ONECUT1: variants seen among roughly 807,000 people sequenced by gnomAD.
ONECUT1 encodes the protein one cut homeobox 1.
In ONECUT1, 12 loss-of-function variants were observed where a neutral mutation model predicts 25.6. The ratio of observed to expected loss-of-function variants is 0.47; its 90% CI spans 0.30 to 0.76. ONECUT1 has a LOEUF of 0.76. ONECUT1 is among the 30% of genes least tolerant of loss of function. ONECUT1 has a pLI of 0.07. For synonymous variants in ONECUT1, 285 were observed against 270.2 expected (o/e 1.05, Z -0.54); for missense variants, 620 against 651.2 (o/e 0.95, Z 0.52).
intron 1 of ONECUT1, among the ~76,000 whole-genome samples, chr15:52,770,783 C>T (rs1320267619): frequency 6.6e-6 from 1 of 152,056 alleles, no homozygotes; most frequent in Non-Finnish European, 1.5e-5. Flanking sequence ...TTGTAAAATA[C>T]ACAATAATTT....
intron 1 of ONECUT1, among the ~76,000 whole-genome samples, chr15:52,761,699 A>G (rs772378025): frequency 3.4e-4 from 52 of 152,306 alleles, no homozygotes; most frequent in Non-Finnish European, 5.6e-4. Flanking sequence ...CACTGTAATG[A>G]GGACCCAAAA....
chr15:52,783,153 A>G (rs2083851707), intron 1 of ONECUT1, among the ~76,000 whole-genome samples: 1 of 152,208 alleles, frequency 6.6e-6, no homozygotes. Flanking sequence ...GATTTTCCCC[A>G]GCGCGGATCA....
chr15:52,776,693 G>T (rs1473343367), intron 1 of ONECUT1, among the ~76,000 whole-genome samples: 1 of 152,162 alleles, frequency 6.6e-6, no homozygotes, highest in African/African-American at 2.4e-5. Flanking sequence ...CCAGATCAGA[G>T]ACTTTGTCGG....
intron 1 of ONECUT1, among the ~76,000 whole-genome samples, chr15:52,771,431 A>AAGC (rs1218141581): frequency 7.5e-6 from 1 of 133,240 alleles, no homozygotes; most frequent in Admixed American, 7.9e-5. Context: ...TTTGCATAAA[A>AAGC]AGCAAGTGTG....
chr15:52,767,675 C>T (rs2083742690), intron 1 of ONECUT1, among the ~76,000 whole-genome samples: 1 of 152,266 alleles, frequency 6.6e-6, no homozygotes, highest in East Asian at 1.9e-4. Context: ...CAATAGGTCT[C>T]TTTTCTGGAA....
At chr15:52,769,193 T>C (rs779624904) in intron 1 of ONECUT1, among the ~76,000 whole-genome samples, 27 of 152,308 alleles carry the variant, frequency 1.8e-4, no homozygotes, top group South Asian at 1.0e-3. Context: ...GGGAGAGTTG[T>C]TGTCTTTTGT....
intron 1 of ONECUT1, among the ~76,000 whole-genome samples, chr15:52,779,306 T>C (rs1455799635): frequency 6.6e-6 from 1 of 152,088 alleles, no homozygotes; most frequent in African/African-American, 2.4e-5. Context: ...GCCAGGATGG[T>C]CTCGATCTCC....
intron 1 of ONECUT1, among the ~76,000 whole-genome samples, chr15:52,768,641 A>G (rs1596048868): frequency 1.3e-5 from 2 of 151,886 alleles, no homozygotes; most frequent in Non-Finnish European, 2.9e-5. Flanking sequence ...TAATAGATGT[A>G]TATGTTACTT....
chr15:52,776,951 A>G (rs997856070), intron 1 of ONECUT1, among the ~76,000 whole-genome samples: 1 of 152,216 alleles, frequency 6.6e-6, no homozygotes, highest in Non-Finnish European at 1.5e-5. Context: ...CAGGTTCAGT[A>G]GGTGTGGGGT....
chr15:52,786,827 G>A (rs62023490), intron 1 of ONECUT1, among the ~76,000 whole-genome samples: 10,196 of 149,538 alleles, frequency 0.068, 467 homozygotes, highest in Non-Finnish European at 0.11. Context: ...TCCAGAGCAA[G>A]AGCCTCCAGG....
intron 1 of ONECUT1, among the ~76,000 whole-genome samples, chr15:52,768,281 T>C (rs1292400195): frequency 2.0e-5 from 3 of 152,190 alleles, no homozygotes; most frequent in Non-Finnish European, 4.4e-5. Context: ...ATTGTCTGCT[T>C]GTATCAAAAT....
chr15:52,772,848 G>A (rs1240752186), intron 1 of ONECUT1, among the ~76,000 whole-genome samples: 1 of 152,168 alleles, frequency 6.6e-6, no homozygotes, highest in Non-Finnish European at 1.5e-5. Flanking sequence ...TACATTTAGA[G>A]GATGTTTAAA....
chr15:52,759,204 G>T lies in ONECUT1; in HGVS notation c.1106-1357C>A, dbSNP rs1029807295. 2.0e-5 allele frequency among the ~76,000 whole-genome samples: 3 copies of T among 152,164 alleles called. No individual in the cohort carries two copies. In the East Asian group the frequency reaches 5.8e-4, roughly 29 times the overall value. ...TCCCATTGCTGTCCTACCTGTTGCT[G>T]CCTTCCGCTTCACTGTATGCCTCTG... On this transcript the variant is annotated intron_variant, in intron 1 of 1. Coordinates refer to ENST00000305901, the MANE Select transcript of ONECUT1 (RefSeq NM_004498.4).
chr15:52,780,617 C>T lies in ONECUT1; in HGVS notation c.1105+8163G>A, dbSNP rs1266645886. On this transcript the variant is annotated intron_variant, in intron 1 of 1. Transcript: ENST00000305901. ...TTGCCTTAATGAACGATTTTTGTGA[C>T]TCCATCAATACTCGAATCGCTTTAG... 6 of 1,535,278 alleles carry T rather than the reference C, an allele frequency of 3.9e-6. No individual in the cohort carries two copies. The Admixed American group carries it at 1.2e-4, about 30-fold the overall frequency.
At chr15:52,780,628 C>T in intron 1 of ONECUT1, 1 of 1,535,412 alleles carries the variant, frequency 6.5e-7, no homozygotes, top group Non-Finnish European at 8.7e-7. Flanking sequence ...TCCATCAATA[C>T]TCGAATCGCT....
At chr15:52,774,404 G>GA (rs1193977700) in intron 1 of ONECUT1, among the ~76,000 whole-genome samples, 1 of 152,142 alleles carries the variant, frequency 6.6e-6, no homozygotes, top group African/African-American at 2.4e-5. Flanking sequence ...GGGTTCAAGT[G>GA]ATTCTCCTGC....
Position 52,789,952 on chromosome 15 carries a change from C to G in ONECUT1, c.-68G>C, listed in dbSNP as rs1447671525. The stretch of plus-strand genomic sequence containing the variant: ...CCAGGCAGAGGCGGCGAGGGGCGCA[C>G]GGAGTCCGGTCTTCACATCGGCTGC... On this transcript the variant is annotated 5_prime_UTR_variant, in exon 1 of 2. Coordinates refer to ENST00000305901, the MANE Select transcript of ONECUT1 (RefSeq NM_004498.4). This position sits in a 1 kb window ranked among gnomAD's most constrained non-coding sequence, Gnocchi z 4.1. 2.7e-6 allele frequency: 4 copies of G among 1,461,850 alleles called. No individual in the cohort carries two copies. The Admixed American group carries it at 1.0e-4, about 37-fold the overall frequency. The allele number at this position is 1,461,850 out of a possible 1,614,324, so 90.6% of individuals were successfully genotyped here.
intron 1 of ONECUT1, among the ~76,000 whole-genome samples, chr15:52,783,757 T>C (rs1199682344): frequency 6.6e-6 from 1 of 152,226 alleles, no homozygotes; most frequent in Non-Finnish European, 1.5e-5. Context: ...CCCGCTTTTC[T>C]TAAATGAAAA....
At chr15:52,768,499 C>T (rs765766767) in intron 1 of ONECUT1, among the ~76,000 whole-genome samples, 1 of 152,102 alleles carries the variant, frequency 6.6e-6, no homozygotes, top group Non-Finnish European at 1.5e-5. Context: ...GATATAGATG[C>T]TCTAGTTATT....
Sources: gnomAD v4.1 joint callset for allele counts (sites outside exome capture counted in the v4.1 genomes callset) on GRCh38, gnomAD v4.1.1 for gene constraint, Gnocchi (gnomAD v3.1) non-coding constraint, MANE v1.5 for transcripts, NCBI Gene and HGNC (gene_info 2026-07-23, HGNC 2026-07-21) for gene names.